GLRA2: variants seen among roughly 807,000 people sequenced by gnomAD.
The protein encoded by GLRA2 is glycine receptor subunit alpha-2.
GLRA2 carries 11 observed loss-of-function variants against 31.6 expected under a neutral mutation model. The observed-to-expected ratio is 0.35, with a 90% CI of 0.22 to 0.58. The LOEUF is 0.58. GLRA2 is among the 20% of genes least tolerant of loss of function. The probability of loss-of-function intolerance (pLI) is 0.84; values close to 1 mark genes in which losing one functional copy is unlikely to be tolerated. For synonymous variants in GLRA2, 132 were observed against 134.0 expected, an observed-to-expected ratio of 0.99 and a Z score of 0.10; for missense variants, 212 against 351.8, an observed-to-expected ratio of 0.60 and a Z score of 3.18.
chrX:14,637,013 C>T (rs2090716883), intron 7 of GLRA2, among the ~76,000 whole-genome samples: 1 of 111,570 alleles, frequency 9.0e-6, no homozygotes, highest in Non-Finnish European at 1.9e-5. Flanking sequence ...CCCTTATCCA[C>T]AAAAGGTAGA....
intron 7 of GLRA2, among the ~76,000 whole-genome samples, chrX:14,640,387 T>A (rs2090760139): frequency 8.9e-6 from 1 of 111,920 alleles, no homozygotes. Context: ...AGAGCTAAAA[T>A]GTCCTGTTCT....
intron 2 of GLRA2, among the ~76,000 whole-genome samples, chrX:14,568,538 C>G (rs943796871): frequency 9.2e-6 from 1 of 108,690 alleles, no homozygotes; most frequent in Non-Finnish European, 1.9e-5. Context: ...ACTAAAAATA[C>G]AAAAATTAGC....
chrX:14,652,114 G>A (rs1156613982), intron 7 of GLRA2, among the ~76,000 whole-genome samples: 2 of 111,658 alleles, frequency 1.8e-5, no homozygotes, highest in African/African-American at 6.5e-5. Context: ...TCAGCTTCCC[G>A]AACTGTAAAA....
chrX:14,589,145 G>A (rs1042565457), intron 4 of GLRA2, among the ~76,000 whole-genome samples: 1 of 110,960 alleles, frequency 9.0e-6, no homozygotes, highest in African/African-American at 3.3e-5. Flanking sequence ...GGACATCCTT[G>A]TCTTGTTCCA....
At chrX:14,723,313 T>A (rs1029751568) in intron 8 of GLRA2, among the ~76,000 whole-genome samples, 2 of 112,205 alleles carry the variant, frequency 1.8e-5, no homozygotes, top group Non-Finnish European at 3.8e-5. Flanking sequence ...AATCCATCTC[T>A]AAGACCTGTT....
chrX:14,478,503 TTC>T, the GLRA2 span, among the ~76,000 whole-genome samples: 8 of 112,134 alleles, frequency 7.1e-5, no homozygotes, highest in East Asian at 2.2e-3. Context: ...GTGGGTGTGT[TTC>T]TGTGTGCATA....
intron 4 of GLRA2, 59 bp downstream of exon 4, chrX:14,581,465 C>A (rs1473067337): frequency 2.5e-5 from 16 of 649,476 alleles, no homozygotes; most frequent in Non-Finnish European, 3.8e-5. Flanking sequence ...TGTAGAGCTG[C>A]CTGATTCTGC....
At chrX:14,608,853 C>T (rs771537737) in intron 6 of GLRA2, 138 bp from the exon 7 acceptor site, 43 of 438,849 alleles carry the variant, frequency 9.8e-5, no homozygotes, top group African/African-American at 2.6e-4. Context: ...GAATTGGTTA[C>T]GTAGGGTGAA....
Position 14,529,981 on chromosome X carries a change from C to A in GLRA2, c.-77C>A. On this transcript the variant is annotated 5_prime_UTR_variant, in exon 1 of 9. Transcript: ENST00000218075. ...GTTCCTGCCAAATTTTGAATCTGGA[C>A]AATAAACAGACACTTTGTCCTAGCA... is the stretch of plus-strand genomic sequence containing the variant. The A allele has an allele frequency of 1.3e-6, 1 of 776,552 alleles. No individual in the cohort carries two copies. The highest frequency in any genetic ancestry group is 2.1e-5 in the South Asian group (1 of 48,237). The allele number at this position is 776,552 out of a possible 1,213,427, so 64.0% of individuals were successfully genotyped here.
In GLRA2 at chrX:14,675,830, G is replaced by C. The variant is rs142697687; in HGVS notation, c.931-14880G>C. ...TAACTTGACTATATTTTTTTCTCGT[G>C]ATACAGTTACTGAATATAGGTAAGA... is the stretch of plus-strand genomic sequence containing the variant. On this transcript the variant is annotated intron_variant, in intron 7 of 8. Transcript: ENST00000218075. 4.9e-3 allele frequency among the ~76,000 whole-genome samples: 551 copies of C among 112,029 alleles called. 3 individuals are homozygous for C. Among genetic ancestry groups the C allele is most frequent in the Non-Finnish European group, 9.1e-3 (485 of 53,129 alleles).
chrX:14,475,710 A>G, the GLRA2 span, among the ~76,000 whole-genome samples: 1 of 111,696 alleles, frequency 9.0e-6, no homozygotes, highest in Non-Finnish European at 1.9e-5. Flanking sequence ...ACACACACAC[A>G]CACATATATG....
intron 8 of GLRA2, among the ~76,000 whole-genome samples, chrX:14,720,089 T>G (rs1204563617): frequency 9.0e-6 from 1 of 111,322 alleles, no homozygotes; most frequent in Non-Finnish European, 1.9e-5. Flanking sequence ...GATACAGAAG[T>G]ACAGCTACAT....
intron 7 of GLRA2, among the ~76,000 whole-genome samples, chrX:14,634,948 T>C (rs998799889): frequency 1.8e-5 from 2 of 112,192 alleles, no homozygotes; most frequent in African/African-American, 6.5e-5. Flanking sequence ...GATGGATAAG[T>C]ACTGGGGTTT....
intron 8 of GLRA2, among the ~76,000 whole-genome samples, chrX:14,720,959 C>A (rs1026072811): frequency 9.2e-6 from 1 of 108,894 alleles, no homozygotes; most frequent in Non-Finnish European, 1.9e-5. Flanking sequence ...TAGTGAGACC[C>A]CCACCTCTAC....
At chrX:14,702,702 G>A (rs187531454) in intron 8 of GLRA2, among the ~76,000 whole-genome samples, 1 of 111,535 alleles carries the variant, frequency 9.0e-6, no homozygotes, top group African/African-American at 3.3e-5. Context: ...GGTATTGGCA[G>A]GACTGCATTG....
intron 4 of GLRA2, among the ~76,000 whole-genome samples, chrX:14,592,970 T>C (rs1278054286): frequency 1.8e-5 from 2 of 112,107 alleles, no homozygotes; most frequent in Non-Finnish European, 3.8e-5. Context: ...ACTCATCACC[T>C]GAACTTTCTC....
chrX:14,562,498 A>G (rs1444077458), intron 2 of GLRA2, among the ~76,000 whole-genome samples: 2 of 112,049 alleles, frequency 1.8e-5, no homozygotes, highest in Non-Finnish European at 3.8e-5. Context: ...TACCAGAAGG[A>G]CAAATGCAAG....
chrX:14,469,586 A>G, the GLRA2 span, among the ~76,000 whole-genome samples: 17 of 105,679 alleles, frequency 1.6e-4, no homozygotes, highest in Admixed American at 1.7e-3. Context: ...TCAGTAAACT[A>G]TCGCAAGAAC....
Position 14,694,321 on chromosome X carries a change from A to G in GLRA2, c.1080+3462A>G, listed in dbSNP as rs1282736727. On this transcript the variant is annotated intron_variant, in intron 8 of 8. Transcript: ENST00000218075. Reference sequence around the variant, plus strand: ...TCATTAGACTACTCACAGGTTAAATATATATATTCATTCAAAAGATGTTTA... The same window carrying G: ...TCATTAGACTACTCACAGGTTAAATGTATATATTCATTCAAAAGATGTTTA... 7.1e-5 allele frequency among the ~76,000 whole-genome samples: 8 copies of G among 111,941 alleles called. No homozygotes were observed. In the East Asian group the frequency reaches 2.2e-3, roughly 31 times the overall value.
Sources: gnomAD v4.1 joint callset for allele counts (sites outside exome capture counted in the v4.1 genomes callset) on GRCh38, gnomAD v4.1.1 for gene constraint, MANE v1.5 for transcripts, NCBI Gene and HGNC (gene_info 2026-07-23, HGNC 2026-07-21) for gene names.